ASIC2: variants seen among roughly 807,000 people sequenced by gnomAD.
ASIC2 encodes acid sensing ion channel subunit 2.
A neutral mutation model predicts 57.3 loss-of-function variants in ASIC2; 25 were observed. The observed-to-expected ratio is 0.44, with a 90% CI of 0.32 to 0.61. ASIC2 has a LOEUF of 0.61. Among genes scored for constraint, ASIC2 ranks in the 20% least tolerant of loss-of-function variants. The pLI, the probability that ASIC2 is intolerant of heterozygous loss-of-function variation, is 0.06. For synonymous variants in ASIC2, 319 were observed against 307.5 expected (o/e 1.04, Z -0.39); for missense variants, 641 against 738.1 (o/e 0.87, Z 1.52).
chr17:33,400,330 A>ATTTCAAC (rs1910238463), intron 1 of ASIC2, among the ~76,000 whole-genome samples: 2 of 152,204 alleles, frequency 1.3e-5, no homozygotes, highest in Non-Finnish European at 2.9e-5. Flanking sequence ...TCAGGGTCTA[A>ATTTCAAC]AATTTCAACA....
chr17:33,757,604 A>T (rs1300501713), intron 1 of ASIC2, among the ~76,000 whole-genome samples: 1 of 152,218 alleles, frequency 6.6e-6, no homozygotes, highest in Non-Finnish European at 1.5e-5. Context: ...AGCTGACCCC[A>T]CAACAAATAC....
intron 1 of ASIC2, among the ~76,000 whole-genome samples, chr17:33,713,189 TAC>T (rs1909108643): frequency 6.6e-6 from 1 of 152,226 alleles, no homozygotes. Flanking sequence ...AAGTTGTGAA[TAC>T]CAGGAGGCTG....
chr17:33,773,538 C>T (rs527412484), intron 1 of ASIC2, among the ~76,000 whole-genome samples: 1 of 151,998 alleles, frequency 6.6e-6, no homozygotes, highest in African/African-American at 2.4e-5. Context: ...TAATTCTAGT[C>T]ATTTTCTCTC....
intron 1 of ASIC2, among the ~76,000 whole-genome samples, chr17:34,035,719 A>G (rs1257869944): frequency 4.0e-5 from 6 of 149,934 alleles, no homozygotes; most frequent in Admixed American, 2.0e-4. Context: ...AAAAGTGGGC[A>G]AAGGATATGA....
chr17:33,403,623 C>T (rs539234939), intron 1 of ASIC2, among the ~76,000 whole-genome samples: 2 of 152,210 alleles, frequency 1.3e-5, no homozygotes, highest in Non-Finnish European at 2.9e-5. Context: ...TGAAAATAAT[C>T]GCTCAGACAG....
intron 2 of ASIC2, among the ~76,000 whole-genome samples, chr17:33,096,885 C>G (rs1349950316): frequency 6.6e-6 from 1 of 152,196 alleles, no homozygotes; most frequent in East Asian, 1.9e-4. Flanking sequence ...GCTTCAAGAA[C>G]AGCAAGGAGG....
At chr17:33,519,163 C>A (rs1487282655) in intron 1 of ASIC2, among the ~76,000 whole-genome samples, 1 of 152,220 alleles carries the variant, frequency 6.6e-6, no homozygotes, top group African/African-American at 2.4e-5. Flanking sequence ...ACAGAGGAGG[C>A]AGCCACAGCA....
intron 1 of ASIC2, among the ~76,000 whole-genome samples, chr17:34,124,676 G>A (rs1228679810): frequency 4.6e-5 from 7 of 152,154 alleles, no homozygotes; most frequent in African/African-American, 1.2e-4. Flanking sequence ...AGATCAGGAT[G>A]CCAGCATGGT....
chr17:33,049,156 G>A (rs1284055421), intron 3 of ASIC2, among the ~76,000 whole-genome samples: 1 of 152,184 alleles, frequency 6.6e-6, no homozygotes, highest in Non-Finnish European at 1.5e-5. Context: ...ACAGCAGTAC[G>A]GCCCCACAGA....
chr17:34,016,050 C>G (rs969645202), intron 1 of ASIC2, among the ~76,000 whole-genome samples: 2 of 152,174 alleles, frequency 1.3e-5, no homozygotes, highest in Admixed American at 6.5e-5. Flanking sequence ...TCCTTTCGTC[C>G]AGAACATGCA....
At chr17:34,075,246 C>G (rs923752096) in intron 1 of ASIC2, among the ~76,000 whole-genome samples, 1 of 152,126 alleles carries the variant, frequency 6.6e-6, no homozygotes, top group South Asian at 2.1e-4. Context: ...GCCTGTGTGT[C>G]ACAAGCTCTG....
chr17:33,156,688 G>A (rs960111794), intron 1 of ASIC2, among the ~76,000 whole-genome samples: 8 of 152,022 alleles, frequency 5.3e-5, no homozygotes, highest in South Asian at 2.1e-4. Flanking sequence ...TCCAGGAGGC[G>A]GAGGTTGCAG....
At chr17:33,433,141 G>A (rs138746597) in intron 1 of ASIC2, among the ~76,000 whole-genome samples, 5 of 152,190 alleles carry the variant, frequency 3.3e-5, no homozygotes, top group Non-Finnish European at 7.4e-5. Context: ...CAAATACATG[G>A]AATCAACCTA....
At chr17:33,877,932 G>A (rs1357511869) in intron 1 of ASIC2, among the ~76,000 whole-genome samples, 13 of 152,208 alleles carry the variant, frequency 8.5e-5, no homozygotes, top group Admixed American at 8.5e-4. Context: ...CGATCAAGCA[G>A]CAACATTTGC....
intron 1 of ASIC2, among the ~76,000 whole-genome samples, chr17:34,000,044 GTTA>G (rs1385856368): frequency 2.2e-5 from 3 of 138,602 alleles, no homozygotes; most frequent in East Asian, 2.1e-4. Context: ...GGTTGAAAGT[GTTA>G]TTGTTGTTTT....
chr17:33,026,867 C>A (rs1763076082), intron 4 of ASIC2, among the ~76,000 whole-genome samples: 1 of 152,178 alleles, frequency 6.6e-6, no homozygotes, highest in Non-Finnish European at 1.5e-5. Context: ...GCCGAAGAGT[C>A]AATATGCTTT....
At chr17:33,586,280 C>T (rs2142002472) in intron 1 of ASIC2, among the ~76,000 whole-genome samples, 1 of 152,294 alleles carries the variant, frequency 6.6e-6, no homozygotes, top group South Asian at 2.1e-4. Context: ...TTTATATTCT[C>T]AGTCTGAGTT....
intron 1 of ASIC2, among the ~76,000 whole-genome samples, chr17:34,076,802 A>T (rs1225514401): frequency 1.3e-5 from 2 of 152,196 alleles, no homozygotes; most frequent in Admixed American, 6.5e-5. Flanking sequence ...TCACACCTTC[A>T]ACAACCTTGT....
intron 1 of ASIC2, among the ~76,000 whole-genome samples, chr17:33,476,750 T>C (rs1442317220): frequency 6.6e-6 from 1 of 152,046 alleles, no homozygotes; most frequent in Non-Finnish European, 1.5e-5. Flanking sequence ...GAGTAGGCTC[T>C]GGCAGACCAA....
Sources: allele counts gnomAD v4.1 joint callset (sites outside exome capture counted in the v4.1 genomes callset), GRCh38; gene constraint gnomAD v4.1.1; transcripts MANE v1.5; gene names NCBI Gene and HGNC (gene_info 2026-07-23, HGNC 2026-07-21).